Variants in GPM6B observed in about 807,000 individuals in gnomAD.
The protein encoded by GPM6B is glycoprotein M6B, also known as neuronal membrane glycoprotein M6-b.
Under a neutral mutation model 27.2 loss-of-function variants are expected in GPM6B, and 4 were observed. That is an observed-to-expected ratio of 0.15 (90% CI 0.07 to 0.34). GPM6B has a LOEUF of 0.34. Among genes scored for constraint, GPM6B ranks in the 10% least tolerant of loss-of-function variants. The probability of loss-of-function intolerance (pLI) is 1.00; values close to 1 mark genes in which losing one functional copy is unlikely to be tolerated. For synonymous variants in GPM6B, 124 were observed against 103.1 expected (o/e 1.20, Z -1.23); for missense variants, 183 against 261.9 (o/e 0.70, Z 2.08).
At chrX:13,861,005 TACACACACACACACACAC>T (rs55808485) in intron 1 of GPM6B, among the ~76,000 whole-genome samples, 16 of 79,387 alleles carry the variant, frequency 2.0e-4, no homozygotes, top group African/African-American at 3.1e-4. Context: ...TGAATGTGCA[TACACACACACACACACAC>T]ACACACACAC....
intron 1 of GPM6B, among the ~76,000 whole-genome samples, chrX:13,809,983 T>C (rs934685517): frequency 9.9e-6 from 1 of 100,684 alleles, no homozygotes; most frequent in African/African-American, 3.7e-5. Flanking sequence ...CCGGGCATGG[T>C]GGCATACGCC....
At chrX:13,809,990 C>T (rs1240378663) in intron 1 of GPM6B, among the ~76,000 whole-genome samples, 1 of 106,104 alleles carries the variant, frequency 9.4e-6, no homozygotes, top group Non-Finnish European at 1.9e-5. Flanking sequence ...TGGTGGCATA[C>T]GCCTATAGTC....
intron 1 of GPM6B, chrX:13,938,259 G>T (rs972289856): frequency 7.7e-6 from 2 of 259,184 alleles, no homozygotes; most frequent in Non-Finnish European, 1.4e-5. Context: ...CCGCACGTGC[G>T]GGGGTGCAGC....
intron 1 of GPM6B, among the ~76,000 whole-genome samples, chrX:13,861,276 C>T (rs893072923): frequency 3.6e-5 from 4 of 110,306 alleles, no homozygotes; most frequent in Admixed American, 1.9e-4. Context: ...TAAACATGCA[C>T]GTGCAAGTAT....
At chrX:13,931,912 T>C (rs755955579) in intron 1 of GPM6B, among the ~76,000 whole-genome samples, 3 of 111,662 alleles carry the variant, frequency 2.7e-5, no homozygotes, top group Non-Finnish European at 5.6e-5. Context: ...TTCTCAACAC[T>C]CCTCAAATCT....
intron 1 of GPM6B, among the ~76,000 whole-genome samples, chrX:13,885,537 C>A (rs758260927): frequency 1.8e-5 from 2 of 112,092 alleles, no homozygotes; most frequent in South Asian, 7.5e-4. Flanking sequence ...CTAGAGGTGG[C>A]CCTGGCCTCC....
At chrX:13,833,054 C>T (rs1441408739) in intron 1 of GPM6B, among the ~76,000 whole-genome samples, 1 of 111,405 alleles carries the variant, frequency 9.0e-6, no homozygotes, top group Non-Finnish European at 1.9e-5. Context: ...TCACTTGAGC[C>T]CAGGAGTTTG....
intron 1 of GPM6B, among the ~76,000 whole-genome samples, chrX:13,886,537 T>C (rs764226698): frequency 1.9e-5 from 2 of 106,856 alleles, no homozygotes; most frequent in Non-Finnish European, 3.8e-5. Flanking sequence ...TCCACACCTC[T>C]ATACCCGAAT....
rs2048596927 is a variant in GPM6B, at chrX:13,785,640, T to C, written c.350A>G (p.His117Arg). Residue 117 changes from histidine (H) to arginine (R), a missense_variant, in exon 3 of 8, where the codon CAT becomes CGT. His to Arg is a conservative substitution (Grantham distance 29). Transcript: ENST00000316715. ...TACTTACACCTCGCTCAGCAAGGCA[T>C]GGTCACTGGCGTTGGTGGAGAAGTG... Reference protein sequence around the residue: ...EQHFSTNASDHALLSEVIQLM... With the variant: ...EQHFSTNASDRALLSEVIQLM... The C allele has an allele frequency of 1.7e-6, 2 of 1,211,200 alleles. No individual in the cohort carries two copies. The highest frequency in any genetic ancestry group is 2.2e-6 in the Non-Finnish European group (2 of 895,112).
At chrX:13,916,990 C>T (rs2050436291) in intron 1 of GPM6B, among the ~76,000 whole-genome samples, 1 of 110,995 alleles carries the variant, frequency 9.0e-6, no homozygotes, top group Non-Finnish European at 1.9e-5. Context: ...GGCAGGCAGA[C>T]AGCTTGAGCT....
chrX:13,854,161 G>A (rs937388389), intron 1 of GPM6B, among the ~76,000 whole-genome samples: 1 of 111,720 alleles, frequency 9.0e-6, no homozygotes, highest in Non-Finnish European at 1.9e-5. Context: ...CTGCTTGTCT[G>A]GAACCGCTTC....
In GPM6B at chrX:13,772,733, T is replaced by C; in HGVS notation, c.*148A>G. On this transcript the variant is annotated 3_prime_UTR_variant, in exon 8 of 8. Coordinates refer to ENST00000316715, the MANE Select transcript of GPM6B (RefSeq NM_001001995.3). ...AGATTTACCCACTGGAAGGTTTTCCTAGAGATACATCCCAGCAGCTTGAGA... is the reference window on the plus strand; with the variant it reads ...AGATTTACCCACTGGAAGGTTTTCCCAGAGATACATCCCAGCAGCTTGAGA... 1 of 442,186 alleles carries C rather than the reference T, an allele frequency of 2.3e-6. No homozygotes were observed. The highest frequency in any genetic ancestry group is 3.6e-6 in the Non-Finnish European group (1 of 275,298). The allele number at this position is 442,186 out of a possible 1,213,427, so 36.4% of individuals were successfully genotyped here.
At chrX:13,800,184 A>G (rs759026772) in intron 2 of GPM6B, among the ~76,000 whole-genome samples, 1 of 111,762 alleles carries the variant, frequency 8.9e-6, no homozygotes, top group East Asian at 2.8e-4. Flanking sequence ...CCACACATGG[A>G]AAAAAATCAA....
intron 6 of GPM6B, 87 bp from the exon 7 acceptor site, chrX:13,776,390 C>T: frequency 1.4e-6 from 1 of 693,178 alleles, no homozygotes; most frequent in Non-Finnish European, 2.2e-6. Flanking sequence ...CATCTGTCTC[C>T]TTTGCAGCTC....
upstream of GPM6B, chrX:13,817,300 G>A (rs1025600274): frequency 5.3e-6 from 4 of 756,080 alleles, no homozygotes; most frequent in African/African-American, 4.6e-5. Flanking sequence ...TCTCAATCTC[G>A]ATCTCTCTCT....
intron 1 of GPM6B, among the ~76,000 whole-genome samples, chrX:13,860,435 G>A (rs1460474630): frequency 5.6e-5 from 5 of 88,793 alleles, no homozygotes; most frequent in Admixed American, 3.6e-4. Flanking sequence ...CCCAAAACGT[G>A]GGGTTTTTTT....
intron 1 of GPM6B, among the ~76,000 whole-genome samples, chrX:13,848,247 T>C (rs775617309): frequency 9.0e-6 from 1 of 111,667 alleles, no homozygotes; most frequent in Non-Finnish European, 1.9e-5. Flanking sequence ...AAGGTTCCAA[T>C]AGGATAAGCT....
chrX:13,926,054 C>CAAAAAAAAAAAAAAAAAA (rs772441542), intron 1 of GPM6B, among the ~76,000 whole-genome samples: 13 of 99,199 alleles, frequency 1.3e-4, no homozygotes, highest in African/African-American at 5.0e-4. Context: ...GACTCCATCT[C>CAAAAAAAAAAAAAAAAAA]AAAAAAAAAA....
intron 1 of GPM6B, among the ~76,000 whole-genome samples, chrX:13,925,927 C>T (rs896749844): frequency 2.4e-4 from 26 of 107,011 alleles, no homozygotes; most frequent in Non-Finnish European, 4.4e-4. Flanking sequence ...TGGTGGCGGG[C>T]GCCTGTAGTC....
Sources: gnomAD v4.1 joint callset for allele counts (sites outside exome capture counted in the v4.1 genomes callset) on GRCh38, gnomAD v4.1.1 for gene constraint, MANE v1.5 for transcripts, NCBI Gene and HGNC (gene_info 2026-07-23, HGNC 2026-07-21) for gene names.